Variants in MTUS2 observed in about 807,000 individuals in gnomAD.
MTUS2 encodes microtubule associated scaffold protein 2, also known as microtubule-associated tumor suppressor candidate 2.
Under a neutral mutation model 114.1 loss-of-function variants are expected in MTUS2, and 40 were observed. The observed-to-expected ratio is 0.35, with a 90% CI of 0.27 to 0.46. The LOEUF (loss-of-function observed/expected upper bound fraction) is 0.46. Ranked by LOEUF, MTUS2 falls within the 20% of genes least tolerant of loss-of-function variation. The pLI is 1.00. For synonymous variants in MTUS2, 688 were observed against 672.0 expected (o/e 1.02, Z -0.37); for missense variants, 1,679 against 1,705.4 (o/e 0.98, Z 0.27).
chr13:29,471,342 T>A (rs1337239899), intron 9 of MTUS2, among the ~76,000 whole-genome samples: 5 of 150,884 alleles, frequency 3.3e-5, no homozygotes, highest in Admixed American at 1.3e-4. Flanking sequence ...ATCTCAAAAA[T>A]AATAATAATA....
intron 8 of MTUS2, among the ~76,000 whole-genome samples, chr13:29,420,847 T>C (rs1329806633): frequency 6.6e-6 from 1 of 152,174 alleles, no homozygotes; most frequent in African/African-American, 2.4e-5. Flanking sequence ...TTAAGGAGGC[T>C]GCCTCTCCTG....
chr13:29,174,997 A>G (rs1893711603), intron 5 of MTUS2, among the ~76,000 whole-genome samples: 2 of 152,192 alleles, frequency 1.3e-5, no homozygotes, highest in African/African-American at 4.8e-5. Flanking sequence ...TCAGCCAATA[A>G]CATGTTCGTA....
chr13:29,406,254 C>A (rs959124958), intron 8 of MTUS2, among the ~76,000 whole-genome samples: 1 of 152,140 alleles, frequency 6.6e-6, no homozygotes, highest in Non-Finnish European at 1.5e-5. Flanking sequence ...CAAACACTTA[C>A]TACCCCACTG....
At chr13:28,970,434 C>T (rs530097158) in intron 2 of MTUS2, among the ~76,000 whole-genome samples, 44 of 152,320 alleles carry the variant, frequency 2.9e-4, no homozygotes, top group African/African-American at 9.4e-4. Flanking sequence ...CTCACTGGAA[C>T]ACAACCACCA....
intron 8 of MTUS2, among the ~76,000 whole-genome samples, chr13:29,389,299 A>ATG (rs1872884180): frequency 7.2e-6 from 1 of 138,662 alleles, no homozygotes; most frequent in Non-Finnish European, 1.5e-5. Flanking sequence ...ATATGTGTGT[A>ATG]TATGTGTATA....
intron 6 of MTUS2, among the ~76,000 whole-genome samples, chr13:29,308,899 A>G (rs1423737525): frequency 6.6e-6 from 1 of 151,344 alleles, no homozygotes; most frequent in African/African-American, 2.4e-5. Context: ...AAACAAAACA[A>G]AACAGGTGCT....
intron 4 of MTUS2, among the ~76,000 whole-genome samples, chr13:29,041,011 G>A (rs985368721): frequency 5.3e-5 from 8 of 151,930 alleles, no homozygotes; most frequent in Non-Finnish European, 7.4e-5. Flanking sequence ...TTTTGGGTTC[G>A]TGGTCATAAA....
chr13:29,388,348 A>G (rs572722195), intron 8 of MTUS2, among the ~76,000 whole-genome samples: 63 of 151,960 alleles, frequency 4.1e-4, no homozygotes, highest in Non-Finnish European at 7.5e-4. Flanking sequence ...TTTTGTGGGT[A>G]AAATGAGTCA....
chr13:28,884,062 A>C (rs1878447413), intron 2 of MTUS2, among the ~76,000 whole-genome samples: 1 of 152,198 alleles, frequency 6.6e-6, no homozygotes, highest in Non-Finnish European at 1.5e-5. Context: ...CTGGATATAT[A>C]GTCTGAATGG....
intron 2 of MTUS2, among the ~76,000 whole-genome samples, chr13:28,940,435 T>A (rs1882166045): frequency 6.6e-6 from 1 of 152,180 alleles, no homozygotes; most frequent in African/African-American, 2.4e-5. Flanking sequence ...GACAGCAAAT[T>A]GGTGTTTACC....
intron 4 of MTUS2, among the ~76,000 whole-genome samples, chr13:29,063,648 G>A (rs747390527): frequency 1.3e-5 from 2 of 152,034 alleles, no homozygotes; most frequent in Admixed American, 6.6e-5. Flanking sequence ...CATGAAGACC[G>A]TGAAATTATT....
At chr13:28,913,147 A>G (rs1336326211) in intron 2 of MTUS2, among the ~76,000 whole-genome samples, 2 of 152,120 alleles carry the variant, frequency 1.3e-5, no homozygotes, top group Non-Finnish European at 2.9e-5. Context: ...TTCCAACACT[A>G]TGTTGAATAG....
intron 7 of MTUS2, among the ~76,000 whole-genome samples, chr13:29,337,329 G>A (rs1005097158): frequency 2.6e-5 from 4 of 152,182 alleles, no homozygotes; most frequent in African/African-American, 9.7e-5. Flanking sequence ...CATGGGAAAA[G>A]CGCAGTTTCT....
intron 2 of MTUS2, among the ~76,000 whole-genome samples, chr13:28,915,303 T>C (rs1316860510): frequency 6.6e-6 from 1 of 152,012 alleles, no homozygotes; most frequent in Non-Finnish European, 1.5e-5. Flanking sequence ...TTGTTTTGAA[T>C]ATATACTAAG....
chr13:29,012,781 G>GGAGAAT (rs1433434731), intron 2 of MTUS2, among the ~76,000 whole-genome samples: 1 of 152,126 alleles, frequency 6.6e-6, no homozygotes, highest in African/African-American at 2.4e-5. Context: ...GGCTGAGGCA[G>GGAGAAT]GAGAATGGCG....
At chr13:28,859,582 A>C (rs1876846153) in intron 2 of MTUS2, among the ~76,000 whole-genome samples, 1 of 152,218 alleles carries the variant, frequency 6.6e-6, no homozygotes, top group South Asian at 2.1e-4. Flanking sequence ...ATGACTTTGC[A>C]GAACTCAGTG....
chr13:29,481,109 T>A (rs1291365043), intron 10 of MTUS2, among the ~76,000 whole-genome samples: 1 of 152,240 alleles, frequency 6.6e-6, no homozygotes, highest in Non-Finnish European at 1.5e-5. Flanking sequence ...TCCTGGCACC[T>A]GGATCCATGC....
chr13:29,486,456 C>T (rs1392855458), intron 10 of MTUS2, among the ~76,000 whole-genome samples: 5 of 152,160 alleles, frequency 3.3e-5, no homozygotes, highest in African/African-American at 1.2e-4. Context: ...GCCCTTTCTC[C>T]ATTCAGATCA....
At chr13:29,080,354 C>T (rs1318347728) in intron 4 of MTUS2, among the ~76,000 whole-genome samples, 1 of 152,086 alleles carries the variant, frequency 6.6e-6, no homozygotes, top group Non-Finnish European at 1.5e-5. Flanking sequence ...GGAACTTTAG[C>T]AATGAGGTGA....
Sources: gnomAD v4.1 joint callset for allele counts (sites outside exome capture counted in the v4.1 genomes callset) on GRCh38, gnomAD v4.1.1 for gene constraint, MANE v1.5 for transcripts, NCBI Gene and HGNC (gene_info 2026-07-23, HGNC 2026-07-21) for gene names.